TRIM2: variants seen among roughly 807,000 people sequenced by gnomAD.
TRIM2 encodes tripartite motif containing 2.
In TRIM2, 20 loss-of-function variants were observed where a neutral mutation model predicts 75.2. The ratio of observed to expected loss-of-function variants is 0.27; its 90% confidence interval spans 0.19 to 0.39. The LOEUF is 0.39. Ranked by LOEUF, TRIM2 falls within the 10% of genes least tolerant of loss-of-function variation. The probability of loss-of-function intolerance (pLI) is 1.00; values close to 1 mark genes in which losing one functional copy is unlikely to be tolerated. For synonymous variants in TRIM2, 373 were observed against 388.3 expected, an observed-to-expected ratio of 0.96 and a Z score of 0.46; for missense variants, 660 against 990.8, an observed-to-expected ratio of 0.67 and a Z score of 4.48.
At chr4:153,196,245 C>T (rs1453661110) in intron 1 of TRIM2, among the ~76,000 whole-genome samples, 1 of 139,708 alleles carries the variant, frequency 7.2e-6, no homozygotes, top group African/African-American at 2.6e-5. Context: ...GGCAACATGG[C>T]AAGACCCCAT....
chr4:153,206,816 G>T (rs568074915), intron 1 of TRIM2, among the ~76,000 whole-genome samples: 2 of 152,140 alleles, frequency 1.3e-5, no homozygotes, highest in African/African-American at 4.8e-5. Flanking sequence ...GCCCTCAGTC[G>T]TCAATCATCT....
chr4:153,235,933 C>T (rs1179006871), intron 1 of TRIM2, among the ~76,000 whole-genome samples: 1 of 152,140 alleles, frequency 6.6e-6, no homozygotes, highest in East Asian at 1.9e-4. Flanking sequence ...CTTCTTTCCC[C>T]CTAGATTCTA....
chr4:153,208,247 A>G (rs1034807721), intron 1 of TRIM2, among the ~76,000 whole-genome samples: 1 of 152,038 alleles, frequency 6.6e-6, no homozygotes, highest in Admixed American at 6.6e-5. Flanking sequence ...GCAGTGAGCT[A>G]TGATTGTGCC....
chr4:153,208,837 C>G (rs1736166523), intron 1 of TRIM2, among the ~76,000 whole-genome samples: 1 of 152,118 alleles, frequency 6.6e-6, no homozygotes. Flanking sequence ...GGATTCCAAG[C>G]AGAGAACATT....
chr4:153,184,802 C>T (rs151150281), intron 1 of TRIM2, among the ~76,000 whole-genome samples: 5 of 152,180 alleles, frequency 3.3e-5, no homozygotes, highest in Admixed American at 1.3e-4. Context: ...CTCTCAGATA[C>T]GAGAAACCTC....
chr4:153,217,787 G>T (rs1267859957), intron 1 of TRIM2, among the ~76,000 whole-genome samples: 1 of 152,174 alleles, frequency 6.6e-6, no homozygotes, highest in Non-Finnish European at 1.5e-5. Context: ...ATGGCAGGAT[G>T]TTCACACAGT....
chr4:153,252,673 C>T (rs1751152351), intron 1 of TRIM2, among the ~76,000 whole-genome samples: 1 of 152,132 alleles, frequency 6.6e-6, no homozygotes, highest in Non-Finnish European at 1.5e-5. Context: ...CTGCACCCAG[C>T]TAATTTTTGT....
chr4:153,219,910 G>A (rs1190023436), intron 1 of TRIM2, among the ~76,000 whole-genome samples: 1 of 152,114 alleles, frequency 6.6e-6, no homozygotes, highest in African/African-American at 2.4e-5. Context: ...AAAATAAAAT[G>A]AAGGAAATAG....
At chr4:153,310,921 A>G (rs1255573434) in intron 6 of TRIM2, among the ~76,000 whole-genome samples, 2 of 152,378 alleles carry the variant, frequency 1.3e-5, no homozygotes, top group Non-Finnish European at 2.9e-5. Context: ...ATTCAAACCA[A>G]GAATAAGAGC....
In TRIM2 at chr4:153,233,895, C is replaced by G. The variant is rs142294341; in HGVS notation, c.30+29335C>G. 1.2e-3 allele frequency among the ~76,000 whole-genome samples: 177 copies of G among 152,294 alleles called. 1 individual carries two copies. The highest frequency in any genetic ancestry group is 4.2e-3 in the African/African-American group (176 of 41,550). On this transcript the variant is annotated intron_variant, in intron 1 of 11. Transcript: ENST00000338700. ...GCCACGGAGGTATGATTTCCTGTTG[C>G]AATCACTGTTTGCAGGAATTACATG...
At chr4:153,210,751 C>A (rs532473162) in intron 1 of TRIM2, among the ~76,000 whole-genome samples, 1 of 152,172 alleles carries the variant, frequency 6.6e-6, no homozygotes, top group Non-Finnish European at 1.5e-5. Context: ...GTTTCCTGGA[C>A]ACTCTGTGTG....
Position 153,169,934 on chromosome 4 carries a change from C to T in TRIM2, c.-49+16664C>T, listed in dbSNP as rs187816511. Among the ~76,000 whole-genome samples the T allele has an allele frequency of 1.7e-3, 255 of 152,360 alleles. 2 individuals are homozygous for T. Among genetic ancestry groups the T allele is most frequent in the Admixed American group, 0.016 (245 of 15,308 alleles). On this transcript the variant is annotated intron_variant, in intron 1 of 11. Transcript: ENST00000437508. Reference sequence around the variant, plus strand: ...TGTCTCTCCACAATGGCCGTCTACACAATCAGGCACATTCTAACTTCATCC... The same window carrying T: ...TGTCTCTCCACAATGGCCGTCTACATAATCAGGCACATTCTAACTTCATCC...
intron 8 of TRIM2, among the ~76,000 whole-genome samples, chr4:153,321,452 C>A (rs1259042817): frequency 6.6e-6 from 1 of 152,088 alleles, no homozygotes; most frequent in African/African-American, 2.4e-5. Flanking sequence ...TAAATACACA[C>A]CACAGTCTAC....
At chr4:153,325,086 T>C (rs530217756) in intron 10 of TRIM2, among the ~76,000 whole-genome samples, 1 of 152,264 alleles carries the variant, frequency 6.6e-6, no homozygotes, top group African/African-American at 2.4e-5. Context: ...CCAAAATTAA[T>C]AATGACTTAT....
At chr4:153,197,109 A>G (rs1733858328) in intron 1 of TRIM2, among the ~76,000 whole-genome samples, 2 of 152,352 alleles carry the variant, frequency 1.3e-5, no homozygotes, top group Admixed American at 6.5e-5. Flanking sequence ...CTGTCTGACT[A>G]CATATGAAAC....
In TRIM2 at chr4:153,295,486, G is replaced by T. The variant is rs770201738; in HGVS notation, c.960G>T (p.Pro320=). The change falls in exon 6 of 12, where the codon CCG becomes CCT. Residue 320 remains proline, a synonymous_variant. Transcript: ENST00000338700. This position sits in a 1 kb window ranked among gnomAD's most constrained non-coding sequence, Gnocchi z 7.2. The part of the protein sequence containing the change: ...ELADQDFPLH[P]RENDQLDFIV... ...CCGACCAGGACTTCCCCTTGCACCC[G>T]CGGGAGAACGACCAGCTGGATTTCA... The T allele has an allele frequency of 6.2e-7, 1 of 1,614,172 alleles. No homozygotes were observed. The highest frequency in any genetic ancestry group is 8.5e-7 in the Non-Finnish European group (1 of 1,180,030).
intron 1 of TRIM2, among the ~76,000 whole-genome samples, chr4:153,184,108 G>A (rs1455405263): frequency 6.6e-6 from 1 of 152,180 alleles, no homozygotes; most frequent in Non-Finnish European, 1.5e-5. Context: ...TTTACCTTGG[G>A]CAGGGATTCT....
At chr4:153,242,646 T>C (rs1322604942) in intron 1 of TRIM2, among the ~76,000 whole-genome samples, 1 of 152,240 alleles carries the variant, frequency 6.6e-6, no homozygotes, top group Admixed American at 6.5e-5. Flanking sequence ...TTCCCATTTG[T>C]GTCTGTTGTG....
intron 1 of TRIM2, among the ~76,000 whole-genome samples, chr4:153,225,903 C>T (rs935825269): frequency 3.3e-5 from 5 of 152,308 alleles, no homozygotes; most frequent in Admixed American, 6.5e-5. Context: ...TTTTTAGAGA[C>T]TTTGTCACCC....
Sources: gnomAD v4.1 joint callset for allele counts (sites outside exome capture counted in the v4.1 genomes callset) on GRCh38, gnomAD v4.1.1 for gene constraint, Gnocchi (gnomAD v3.1) non-coding constraint, MANE v1.5 for transcripts, NCBI Gene and HGNC (gene_info 2026-07-23, HGNC 2026-07-21) for gene names.